Variants in KCND3 observed in about 807,000 individuals in gnomAD.
KCND3 encodes potassium voltage-gated channel subfamily D member 3, also known as A-type voltage-gated potassium channel KCND3.
Under a neutral mutation model 51.1 loss-of-function variants are expected in KCND3, and 9 were observed. That is an observed-to-expected ratio of 0.18 (90% CI 0.11 to 0.31). The LOEUF (loss-of-function observed/expected upper bound fraction) is 0.31, where lower values mean the gene tolerates loss of function less well. KCND3 is among the 10% of genes least tolerant of loss of function. The pLI is 1.00. For synonymous variants in KCND3, 349 were observed against 368.0 expected (o/e 0.95, Z 0.59); for missense variants, 526 against 903.8 (o/e 0.58, Z 5.36).
chr1:111,871,239 AAAT>A (rs1668815732), intron 2 of KCND3, among the ~76,000 whole-genome samples: 1 of 152,232 alleles, frequency 6.6e-6, no homozygotes, highest in Admixed American at 6.5e-5. Context: ...GCAGGATATG[AAAT>A]AATGATTTTT....
At chr1:111,787,358 T>A (rs1418754285) in intron 2 of KCND3, among the ~76,000 whole-genome samples, 2 of 152,224 alleles carry the variant, frequency 1.3e-5, no homozygotes, top group African/African-American at 4.8e-5. Context: ...CATGTCTTTG[T>A]TGGTTCTACA....
At chr1:111,941,172 G>A (rs1672499478) in intron 2 of KCND3, among the ~76,000 whole-genome samples, 1 of 152,078 alleles carries the variant, frequency 6.6e-6, no homozygotes, top group Non-Finnish European at 1.5e-5. Context: ...TGCAGAGCTG[G>A]TAACCAACTT....
At chr1:111,881,683 G>A (rs1669332756) in intron 2 of KCND3, among the ~76,000 whole-genome samples, 1 of 152,176 alleles carries the variant, frequency 6.6e-6, no homozygotes, top group Non-Finnish European at 1.5e-5. Context: ...ATGGAAGTCA[G>A]TTCATTCTGC....
chr1:111,908,344 A>G (rs1670750932), intron 2 of KCND3, among the ~76,000 whole-genome samples: 1 of 152,202 alleles, frequency 6.6e-6, no homozygotes, highest in South Asian at 2.1e-4. Flanking sequence ...TGCACAGTAA[A>G]AATAACAGCA....
chr1:111,857,232 G>A (rs1390563781), intron 2 of KCND3, among the ~76,000 whole-genome samples: 5 of 152,296 alleles, frequency 3.3e-5, no homozygotes, highest in Non-Finnish European at 5.9e-5. Context: ...TCATCATCGC[G>A]GTGTTACAGA....
chr1:111,811,429 A>T (rs1665843234), intron 2 of KCND3, among the ~76,000 whole-genome samples: 1 of 152,182 alleles, frequency 6.6e-6, no homozygotes, highest in South Asian at 2.1e-4. Context: ...CACTCAGGAA[A>T]TCCTGACAAT....
chr1:111,876,077 A>C (rs1285694943), intron 2 of KCND3, among the ~76,000 whole-genome samples: 1 of 152,158 alleles, frequency 6.6e-6, no homozygotes, highest in African/African-American at 2.4e-5. Flanking sequence ...CTCGCAGGGA[A>C]ACTAGCCCCC....
intron 2 of KCND3, among the ~76,000 whole-genome samples, chr1:111,888,462 G>T (rs1669667123): frequency 6.6e-6 from 1 of 152,156 alleles, no homozygotes; most frequent in South Asian, 2.1e-4. Context: ...AAGGCGGGTG[G>T]ATCACCTGAG....
rs546022058 is a variant in KCND3 at position 111,808,790 on chromosome 1, C to A, written c.1107-21684G>T. The stretch of plus-strand genomic sequence containing the variant: ...AATCCCCAGCTCCAAGAGGAGACTG[C>A]CAACTCTGCAAAAAGCATTAAATAC... On this transcript the variant is annotated intron_variant, in intron 2 of 7. Transcript: ENST00000302127. Among the ~76,000 whole-genome samples the A allele has an allele frequency of 3.1e-3, 478 of 152,324 alleles. 7 individuals are homozygous for A. The highest frequency in any genetic ancestry group is 0.011 in the African/African-American group (466 of 41,582).
chr1:111,946,146 A>C (rs184489210), intron 2 of KCND3, among the ~76,000 whole-genome samples: 2 of 152,358 alleles, frequency 1.3e-5, no homozygotes, highest in Admixed American at 1.3e-4. Context: ...GTTATATGTA[A>C]GTGCAACAAA....
intron 2 of KCND3, among the ~76,000 whole-genome samples, chr1:111,792,942 T>A (rs1242322018): frequency 6.7e-6 from 1 of 148,768 alleles, no homozygotes; most frequent in African/African-American, 2.4e-5. Flanking sequence ...TTATTTTATA[T>A]ATAAAATAAT....
chr1:111,851,408 G>A (rs1557977667), intron 2 of KCND3, among the ~76,000 whole-genome samples: 1 of 152,132 alleles, frequency 6.6e-6, no homozygotes, highest in African/African-American at 2.4e-5. Context: ...CTTAAGGACT[G>A]TTCATCTTCT....
chr1:111,945,333 T>C (rs1391659562), intron 2 of KCND3, among the ~76,000 whole-genome samples: 2 of 152,206 alleles, frequency 1.3e-5, no homozygotes, highest in African/African-American at 4.8e-5. Context: ...TGGATTAGTA[T>C]AGAAGTTTGG....
intron 2 of KCND3, among the ~76,000 whole-genome samples, chr1:111,926,589 C>G (rs1279437167): frequency 6.6e-6 from 1 of 152,252 alleles, no homozygotes; most frequent in African/African-American, 2.4e-5. Context: ...GTCCATTCCC[C>G]TTGTTCTCAC....
chr1:111,861,281 G>A (rs1004016597), intron 2 of KCND3, among the ~76,000 whole-genome samples: 12 of 152,150 alleles, frequency 7.9e-5, no homozygotes, highest in African/African-American at 2.9e-4. Flanking sequence ...GTCCCTCGAT[G>A]ACCCATAATA....
chr1:111,867,020 C>G (rs1015063234), intron 2 of KCND3, among the ~76,000 whole-genome samples: 2 of 152,198 alleles, frequency 1.3e-5, no homozygotes. Context: ...TAAGTCCTCG[C>G]TCTGCCAGTT....
In KCND3 at chr1:111,871,058, T is replaced by C. The variant is rs551158325; in HGVS notation, c.1107-83952A>G. 2.6e-5 allele frequency among the ~76,000 whole-genome samples: 4 copies of C among 152,128 alleles called. No individual in the cohort carries two copies. In the South Asian group the frequency reaches 8.3e-4, roughly 32 times the overall value. On this transcript the variant is annotated intron_variant, in intron 2 of 7. Coordinates refer to ENST00000302127, the MANE Select transcript of KCND3 (RefSeq NM_001378969.1). ...CATGGAGAAAGCAGCAATTGAAATG[T>C]GGAGGAATGGGGGCATATGTGAGGC...
At chr1:111,944,698 T>C (rs768323714) in intron 2 of KCND3, among the ~76,000 whole-genome samples, 1 of 152,262 alleles carries the variant, frequency 6.6e-6, no homozygotes, top group South Asian at 2.1e-4. Flanking sequence ...CTGGTCTTTG[T>C]GTGTCTCCCG....
At chr1:111,865,456 A>C (rs1314914806) in intron 2 of KCND3, among the ~76,000 whole-genome samples, 1 of 152,242 alleles carries the variant, frequency 6.6e-6, no homozygotes. Flanking sequence ...GCCAGCACTC[A>C]TCACAGTGGA....
Sources: allele counts gnomAD v4.1 joint callset (sites outside exome capture counted in the v4.1 genomes callset), GRCh38; gene constraint gnomAD v4.1.1; transcripts MANE v1.5; gene names NCBI Gene and HGNC (gene_info 2026-07-23, HGNC 2026-07-21).